The following ROR1 variants were observed in gnomAD, a reference collection of about 807,000 sequenced individuals.
The protein encoded by ROR1 is ROR family WNT receptor 1.
ROR1 carries 19 observed loss-of-function variants against 78.8 expected under a neutral mutation model. That is an observed-to-expected ratio of 0.24 (90% CI 0.17 to 0.35). The LOEUF is 0.35. Among genes scored for constraint, ROR1 ranks in the 10% least tolerant of loss-of-function variants. The pLI, the probability that ROR1 is intolerant of heterozygous loss-of-function variation, is 1.00. For missense variants in ROR1, 917 were observed against 1,177.8 expected, an observed-to-expected ratio of 0.78 and a Z score of 3.24; for synonymous variants, 386 against 433.6, an observed-to-expected ratio of 0.89 and a Z score of 1.36.
intron 1 of ROR1, among the ~76,000 whole-genome samples, chr1:63,938,851 A>G (rs56289395): frequency 0.029 from 4,445 of 152,154 alleles, 229 homozygotes; most frequent in African/African-American, 0.1. Flanking sequence ...AAAATAAAAC[A>G]AATAGGTGTG....
At chr1:63,814,005 G>A (rs950263702) in intron 1 of ROR1, among the ~76,000 whole-genome samples, 3 of 152,138 alleles carry the variant, frequency 2.0e-5, no homozygotes, top group African/African-American at 7.2e-5. Flanking sequence ...TCTCCTTTGT[G>A]TTTTACATCT....
chr1:63,806,093 A>G (rs1644826838), intron 1 of ROR1, among the ~76,000 whole-genome samples: 1 of 152,236 alleles, frequency 6.6e-6, no homozygotes, highest in Admixed American at 6.5e-5. Flanking sequence ...TAATGAGCAC[A>G]TTAAAGTTTT....
chr1:64,008,366 G>A (rs561367181), intron 1 of ROR1, among the ~76,000 whole-genome samples: 7 of 152,276 alleles, frequency 4.6e-5, no homozygotes, highest in Admixed American at 3.3e-4. Flanking sequence ...GTCCTCTGTT[G>A]ATGGGCACCT....
chr1:63,846,118 A>ATGTGTGTGTGTG (rs71056009), intron 1 of ROR1, among the ~76,000 whole-genome samples: 13 of 136,320 alleles, frequency 9.5e-5, no homozygotes, highest in Non-Finnish European at 2.1e-4. Flanking sequence ...GAGAGAGAGA[A>ATGTGTGTGTGTG]TGTGTGTGTG....
chr1:64,169,538 G>T (rs2100739120), intron 8 of ROR1, among the ~76,000 whole-genome samples: 1 of 152,272 alleles, frequency 6.6e-6, no homozygotes, highest in South Asian at 2.1e-4. Flanking sequence ...GGGAATTCAA[G>T]ATGAGATTTG....
At chr1:64,170,360 T>C (rs1322974772) in intron 8 of ROR1, among the ~76,000 whole-genome samples, 3 of 152,226 alleles carry the variant, frequency 2.0e-5, no homozygotes, top group Non-Finnish European at 4.4e-5. Flanking sequence ...CTCCAACCTC[T>C]GAAGCCACAG....
At chr1:63,910,430 G>A (rs1393885715) in intron 1 of ROR1, among the ~76,000 whole-genome samples, 1 of 152,144 alleles carries the variant, frequency 6.6e-6, no homozygotes, top group African/African-American at 2.4e-5. Context: ...GGTCAATGAA[G>A]GCAGGACTGG....
chr1:63,783,518 C>T (rs936188013), intron 1 of ROR1, among the ~76,000 whole-genome samples: 4 of 152,010 alleles, frequency 2.6e-5, no homozygotes, highest in African/African-American at 9.7e-5. Flanking sequence ...TCAGGACGAC[C>T]CTATGAGGTA....
intron 1 of ROR1, among the ~76,000 whole-genome samples, chr1:63,849,534 C>CA (rs1474380452): frequency 1.3e-5 from 2 of 151,878 alleles, no homozygotes; most frequent in Non-Finnish European, 2.9e-5. Flanking sequence ...CTCATCTCTA[C>CA]AAAAAATAAA....
chr1:63,842,938 GA>G (rs1289663992), intron 1 of ROR1, among the ~76,000 whole-genome samples: 1 of 151,978 alleles, frequency 6.6e-6, no homozygotes, highest in African/African-American at 2.4e-5. Flanking sequence ...TGCCTGGGGG[GA>G]ATTTGGTTTG....
chr1:63,918,356 C>T (rs980810047), intron 1 of ROR1, among the ~76,000 whole-genome samples: 1 of 152,194 alleles, frequency 6.6e-6, no homozygotes, highest in South Asian at 2.1e-4. Flanking sequence ...CCACTATGAT[C>T]TCCACCTTAT....
At chr1:64,059,613 G>A (rs1646901131) in intron 4 of ROR1, among the ~76,000 whole-genome samples, 1 of 151,460 alleles carries the variant, frequency 6.6e-6, no homozygotes, top group Non-Finnish European at 1.5e-5. Context: ...GGAGGCTGAG[G>A]CAGGAGAATA....
chr1:64,090,462 G>A (rs895062660), intron 4 of ROR1, among the ~76,000 whole-genome samples: 10 of 152,138 alleles, frequency 6.6e-5, no homozygotes, highest in Non-Finnish European at 1.0e-4. Flanking sequence ...TGCTTAGTAC[G>A]TAAGCACCTT....
At chr1:64,088,098 C>A (rs775351964) in intron 4 of ROR1, among the ~76,000 whole-genome samples, 1 of 152,180 alleles carries the variant, frequency 6.6e-6, no homozygotes, top group Non-Finnish European at 1.5e-5. Flanking sequence ...AGTTAAAATT[C>A]ATGATCTTTT....
intron 1 of ROR1, among the ~76,000 whole-genome samples, chr1:63,919,843 C>A (rs562880594): frequency 1.3e-5 from 2 of 152,124 alleles, no homozygotes; most frequent in Non-Finnish European, 2.9e-5. Context: ...CTTAAAGCTT[C>A]GTCTCAGAAT....
chr1:63,934,093 G>C (rs1371776052), intron 1 of ROR1, among the ~76,000 whole-genome samples: 1 of 152,132 alleles, frequency 6.6e-6, no homozygotes, highest in African/African-American at 2.4e-5. Flanking sequence ...GTCAGGGAGA[G>C]CAATAAAGCA....
At chr1:63,916,188 G>A (rs986304656) in intron 1 of ROR1, among the ~76,000 whole-genome samples, 2 of 152,180 alleles carry the variant, frequency 1.3e-5, no homozygotes, top group Non-Finnish European at 2.9e-5. Context: ...GCAGATTTTT[G>A]TAAGTTTCCT....
Position 64,096,955 on chromosome 1 carries a change from T to C in ROR1, c.483-40414T>C, listed in dbSNP as rs146396597. 2.5e-3 allele frequency among the ~76,000 whole-genome samples: 379 copies of C among 152,028 alleles called. 3 individuals carry two copies. The highest frequency in any genetic ancestry group is 8.7e-3 in the African/African-American group (362 of 41,450). On this transcript the variant is annotated intron_variant, in intron 4 of 8. Transcript: ENST00000371079. ...CCATGAAATAAAGTCTTGATGATGA[T>C]AATGATGATGATGTCAAGGATTCTG... is the stretch of plus-strand genomic sequence containing the variant.
chr1:63,942,581 G>A (rs149718647), intron 1 of ROR1, among the ~76,000 whole-genome samples: 32 of 152,154 alleles, frequency 2.1e-4, no homozygotes, highest in Admixed American at 7.2e-4. Context: ...TTGCTAGCCC[G>A]TCTCTCACTT....
Sources: allele counts gnomAD v4.1 joint callset (sites outside exome capture counted in the v4.1 genomes callset), GRCh38; gene constraint gnomAD v4.1.1; transcripts MANE v1.5; gene names NCBI Gene and HGNC (gene_info 2026-07-23, HGNC 2026-07-21).